SCHIP1: variants seen among roughly 807,000 people sequenced by gnomAD.
SCHIP1 encodes schwannomin-interacting protein 1.
In SCHIP1, 8 loss-of-function variants were observed where a neutral mutation model predicts 29.7. The observed-to-expected ratio is 0.27, with a 90% CI of 0.16 to 0.49. SCHIP1 has a LOEUF of 0.49. Ranked by LOEUF, SCHIP1 falls within the 20% of genes least tolerant of loss-of-function variation. The probability of loss-of-function intolerance (pLI) is 0.99; values close to 1 mark genes in which losing one functional copy is unlikely to be tolerated. For missense variants in SCHIP1, 193 were observed against 294.6 expected, an observed-to-expected ratio of 0.66 and a Z score of 2.52; for synonymous variants, 76 against 94.9, an observed-to-expected ratio of 0.80 and a Z score of 1.16.
the SCHIP1 span, among the ~76,000 whole-genome samples, chr3:159,666,739 C>G: frequency 6.6e-6 from 1 of 152,146 alleles, no homozygotes; most frequent in African/African-American, 2.4e-5. Context: ...GAGCATAACT[C>G]CTTTTCCTGA....
intron 2 of SCHIP1, among the ~76,000 whole-genome samples, chr3:159,875,645 G>A (rs1464724619): frequency 2.0e-5 from 3 of 152,188 alleles, no homozygotes; most frequent in Admixed American, 6.5e-5. Flanking sequence ...TCCATTGAGA[G>A]TGCACAAAAG....
At chr3:159,630,621 A>T in the SCHIP1 span, among the ~76,000 whole-genome samples, 1 of 112,874 alleles carries the variant, frequency 8.9e-6, no homozygotes, top group Non-Finnish European at 1.5e-5. Flanking sequence ...TCGTAAGTGG[A>T]GCTAAGCTAT....
the SCHIP1 span, among the ~76,000 whole-genome samples, chr3:159,514,750 A>G: frequency 3.9e-5 from 6 of 152,200 alleles, no homozygotes; most frequent in East Asian, 3.9e-4. Flanking sequence ...AATACAATCA[A>G]TATGTTGGGC....
At chr3:159,673,522 G>A in the SCHIP1 span, among the ~76,000 whole-genome samples, 2 of 152,198 alleles carry the variant, frequency 1.3e-5, no homozygotes, top group Non-Finnish European at 2.9e-5. Context: ...TCTCTTGTCA[G>A]TAATGTTAGA....
At chr3:159,812,284 G>A in the SCHIP1 span, among the ~76,000 whole-genome samples, 2 of 152,046 alleles carry the variant, frequency 1.3e-5, no homozygotes, top group Non-Finnish European at 2.9e-5. Flanking sequence ...AGTTTTCAGT[G>A]TATAAGTCTT....
At chr3:159,792,447 T>C in the SCHIP1 span, among the ~76,000 whole-genome samples, 3 of 152,228 alleles carry the variant, frequency 2.0e-5, no homozygotes, top group Non-Finnish European at 4.4e-5. Context: ...GACAATTGTC[T>C]GGAACATAAT....
At chr3:159,643,641 A>G in the SCHIP1 span, among the ~76,000 whole-genome samples, 3 of 152,124 alleles carry the variant, frequency 2.0e-5, no homozygotes, top group African/African-American at 7.2e-5. Context: ...ATTAATCATA[A>G]TACTAATGTC....
chr3:159,564,730 T>C, the SCHIP1 span, among the ~76,000 whole-genome samples: 1 of 152,212 alleles, frequency 6.6e-6, no homozygotes, highest in South Asian at 2.1e-4. Context: ...GCGTATACTC[T>C]TTTATATCTG....
the SCHIP1 span, among the ~76,000 whole-genome samples, chr3:159,701,406 C>T: frequency 6.6e-6 from 1 of 152,140 alleles, no homozygotes; most frequent in Non-Finnish European, 1.5e-5. Context: ...CTTTTTAAAC[C>T]ATGAGTTTTT....
chr3:159,317,189 T>C, the SCHIP1 span, among the ~76,000 whole-genome samples: 1 of 152,236 alleles, frequency 6.6e-6, no homozygotes, highest in African/African-American at 2.4e-5. Context: ...TGTGGAGTAG[T>C]AGACTGATTT....
the SCHIP1 span, among the ~76,000 whole-genome samples, chr3:159,636,900 G>C: frequency 6.6e-6 from 1 of 152,134 alleles, no homozygotes; most frequent in Non-Finnish European, 1.5e-5. Flanking sequence ...GTATCATCTT[G>C]CCTCTCCAAT....
chr3:159,419,812 GA>G, the SCHIP1 span, among the ~76,000 whole-genome samples: 6 of 151,228 alleles, frequency 4.0e-5, no homozygotes, highest in East Asian at 7.7e-4. Flanking sequence ...TCCATCTTAA[GA>G]AAAAAAAATT....
At chr3:159,346,952 G>A in the SCHIP1 span, among the ~76,000 whole-genome samples, 1 of 152,170 alleles carries the variant, frequency 6.6e-6, no homozygotes, top group Non-Finnish European at 1.5e-5. Context: ...TGCCAGACAA[G>A]GATCCACTCA....
intron 2 of SCHIP1, among the ~76,000 whole-genome samples, chr3:159,870,400 G>A (rs928636698): frequency 1.1e-4 from 16 of 151,710 alleles, no homozygotes; most frequent in African/African-American, 3.6e-4. Flanking sequence ...TCCCTCCCAG[G>A]TATAACTTAC....
the SCHIP1 span, chr3:159,764,909 G>T: frequency 2.0e-6 from 3 of 1,535,636 alleles, no homozygotes; most frequent in Non-Finnish European, 2.6e-6. This position sits in a 1 kb window ranked among gnomAD's most constrained non-coding sequence, Gnocchi z 6.1. Context: ...TGTTCCCGGG[G>T]CCCCCGCCGG....
the SCHIP1 span, among the ~76,000 whole-genome samples, chr3:159,296,646 G>T: frequency 6.6e-6 from 1 of 152,030 alleles, no homozygotes; most frequent in Non-Finnish European, 1.5e-5. Context: ...ATGGTGGGGG[G>T]ATACCTGTAA....
the SCHIP1 span, among the ~76,000 whole-genome samples, chr3:159,556,589 TA>T: frequency 1.3e-5 from 2 of 151,488 alleles, no homozygotes; most frequent in East Asian, 2.0e-4. Context: ...TATGCAGCCA[TA>T]AAAAAGGATG....
At chr3:159,736,642 G>A in the SCHIP1 span, among the ~76,000 whole-genome samples, 2 of 152,012 alleles carry the variant, frequency 1.3e-5, no homozygotes, top group Non-Finnish European at 2.9e-5. Context: ...CCTTCCAAGG[G>A]AGAGAGACTG....
the SCHIP1 span, among the ~76,000 whole-genome samples, chr3:159,423,917 T>G: frequency 6.6e-6 from 1 of 152,116 alleles, no homozygotes; most frequent in Non-Finnish European, 1.5e-5. Context: ...ACCGCTGTTC[T>G]GCAAACACCG....
Sources: gnomAD v4.1 joint callset for allele counts (sites outside exome capture counted in the v4.1 genomes callset) on GRCh38, gnomAD v4.1.1 for gene constraint, Gnocchi (gnomAD v3.1) non-coding constraint, MANE v1.5 for transcripts, NCBI Gene and HGNC (gene_info 2026-07-23, HGNC 2026-07-21) for gene names.